Variants in PPP6R2 observed in about 807,000 individuals in gnomAD.
PPP6R2 encodes serine/threonine-protein phosphatase 6 regulatory subunit 2.
A neutral mutation model predicts 100.2 loss-of-function variants in PPP6R2; 62 were observed. The ratio of observed to expected loss-of-function variants is 0.62; its 90% CI spans 0.50 to 0.76. The LOEUF is 0.76. Among genes scored for constraint, PPP6R2 ranks in the 30% least tolerant of loss-of-function variants. PPP6R2 has a pLI of 0.00. For synonymous variants in PPP6R2, 525 were observed against 514.7 expected (o/e 1.02, Z -0.27); for missense variants, 1,142 against 1,276.3 (o/e 0.89, Z 1.60).
Position 50,423,618 on chromosome 22 carries a change from A to G in PPP6R2, c.1125+4A>G, listed in dbSNP as rs755884750. 6.8e-6 allele frequency: 11 copies of G among 1,614,000 alleles called. No homozygotes were observed. The highest frequency in any genetic ancestry group is 1.7e-5 in the Admixed American group (1 of 60,020). On this transcript the variant is annotated splice_donor_region_variant and intron_variant, in intron 10 of 23. Transcript: ENST00000612753. The surrounding 1 kb of genome is among the most constrained non-coding windows in gnomAD (Gnocchi z 4.8). ...CAACACGATGGACTTACTGCTGGTA[A>G]GTGGGCCCCTCAGCCAGCCCTGCAT...
chr22:50,439,577 T>A, intron 19 of PPP6R2, 124 bp from the exon 20 acceptor site: 1 of 1,132,688 alleles, frequency 8.8e-7, no homozygotes, highest in Non-Finnish European at 1.2e-6. Context: ...TGGGCCTCCC[T>A]CCTGGAGCAG....
intron 1 of PPP6R2, among the ~76,000 whole-genome samples, chr22:50,353,112 A>G (rs1183679209): frequency 1.3e-5 from 2 of 152,200 alleles, no homozygotes; most frequent in Non-Finnish European, 2.9e-5. Flanking sequence ...GCTTTGCTTT[A>G]TTATTATTTA....
At chr22:50,371,597 G>A (rs776068597) in intron 1 of PPP6R2, among the ~76,000 whole-genome samples, 1 of 152,054 alleles carries the variant, frequency 6.6e-6, no homozygotes, top group Non-Finnish European at 1.5e-5. Context: ...ATATTTAAGG[G>A]ACAGATAATA....
intron 1 of PPP6R2, among the ~76,000 whole-genome samples, chr22:50,363,814 T>A (rs1399947590): frequency 6.6e-6 from 1 of 152,160 alleles, no homozygotes; most frequent in Non-Finnish European, 1.5e-5. Context: ...TACTAGAAAA[T>A]TTTAAAGTAA....
chr22:50,404,563 G>A (rs1201821603), intron 3 of PPP6R2, among the ~76,000 whole-genome samples: 2 of 149,398 alleles, frequency 1.3e-5, no homozygotes, highest in African/African-American at 2.5e-5. Flanking sequence ...CCACAGGCAT[G>A]TGCCACCTCG....
chr22:50,438,981 GTCAC>G (rs2065006596), intron 19 of PPP6R2, among the ~76,000 whole-genome samples: 1 of 152,184 alleles, frequency 6.6e-6, no homozygotes, highest in South Asian at 2.1e-4. Context: ...TGCAGTTGTG[GTCAC>G]TCAGCCACGT....
At chr22:50,417,468 G>C (rs967494038) in intron 6 of PPP6R2, among the ~76,000 whole-genome samples, 1 of 152,172 alleles carries the variant, frequency 6.6e-6, no homozygotes, top group Admixed American at 6.5e-5. Context: ...GGTGATCCCT[G>C]TTGAGAGTTT....
chr22:50,405,848 G>GGAGGTGAGAGGCCTGGAGA (rs1376802347), intron 3 of PPP6R2, among the ~76,000 whole-genome samples: 922 of 59,708 alleles, frequency 0.015, 87 homozygotes, highest in East Asian at 0.027. Context: ...AGGCCTGGAG[G>GGAGGTGAGAGGCCTGGAGA]GAGGTGAGAG....
upstream of PPP6R2, among the ~76,000 whole-genome samples, chr22:50,340,340 ATGTGGTGTGTG>A (rs2042358417): frequency 3.9e-5 from 3 of 75,950 alleles, no homozygotes; most frequent in South Asian, 1.4e-3. Flanking sequence ...TAGGGTGTGT[ATGTGGTGTGTG>A]TGTGGTATGG....
At chr22:50,437,461 C>T in intron 15 of PPP6R2, 45 bp from the exon 16 acceptor site, 1 of 1,380,198 alleles carries the variant, frequency 7.2e-7, no homozygotes, top group Non-Finnish European at 1.0e-6. Flanking sequence ...ATGCCTCCTC[C>T]ATGACCGGTG....
At chr22:50,436,475 C>T in intron 14 of PPP6R2, 23 bp downstream of exon 14, 1 of 1,564,582 alleles carries the variant, frequency 6.4e-7, no homozygotes, top group South Asian at 1.2e-5. Flanking sequence ...GGGGCTGCCC[C>T]CTCGGTGCAC....
chr22:50,349,595 G>T (rs1446835122), intron 1 of PPP6R2, among the ~76,000 whole-genome samples: 4 of 152,114 alleles, frequency 2.6e-5, no homozygotes, highest in Non-Finnish European at 4.4e-5. Flanking sequence ...GGAGGCTGAG[G>T]CAGGTGGATC....
intron 3 of PPP6R2, among the ~76,000 whole-genome samples, chr22:50,405,904 AGGC>A (rs1603262182): frequency 9.1e-5 from 6 of 65,942 alleles, no homozygotes; most frequent in Admixed American, 1.9e-4. Context: ...GAGGCCTGGC[AGGC>A]GAGTGTGAAG....
At chr22:50,440,349 A>G (rs1333937522) in intron 21 of PPP6R2, among the ~76,000 whole-genome samples, 1 of 152,132 alleles carries the variant, frequency 6.6e-6, no homozygotes, top group African/African-American at 2.4e-5. Flanking sequence ...CAGCATTGAG[A>G]TGTGTGTGGG....
intron 1 of PPP6R2, among the ~76,000 whole-genome samples, chr22:50,371,516 G>A (rs941172756): frequency 3.3e-5 from 5 of 151,736 alleles, no homozygotes; most frequent in Admixed American, 2.0e-4. Flanking sequence ...AAAAAAAAAA[G>A]AAAACTATCT....
Position 50,394,100 on chromosome 22 carries a change from T to C in PPP6R2, c.192T>C (p.Asp64=). The C allele has an allele frequency of 6.2e-7, 1 of 1,614,074 alleles. No homozygotes were observed. Among genetic ancestry groups the C allele is most frequent in the Non-Finnish European group, 8.5e-7 (1 of 1,180,008 alleles). Residue 64 remains aspartate (D), a synonymous_variant, in exon 3 of 24, where the codon GAT becomes GAC. Coordinates refer to ENST00000612753, the MANE Select transcript of PPP6R2 (RefSeq NM_001242898.2). ...AGCTGGTGAGCCTCATCACACAGGA[T>C]CCGCCCCTGGACATGGAGGAGAAGG... ...MEELVSLITQ[D]PPLDMEEKVR...
chr22:50,443,967 C>T lies in PPP6R2; in HGVS notation c.2681C>T (p.Ala894Val), dbSNP rs554131500. 1.2e-6 allele frequency: 2 copies of T among 1,612,094 alleles called. No individual in the cohort carries two copies. Among genetic ancestry groups the T allele is most frequent in the African/African-American group, 2.7e-5 (2 of 75,038 alleles). ...AVAVPPEATV[A>V]ITTALSKAGP... ...GCTGTGCCCCCCGAGGCTACTGTGG[C>T]CATCACCACAGCACTGAGCAAGGCT... The change falls in exon 23 of 24, where the codon GCC (alanine) becomes GTC (valine). Residue 894 changes from alanine (A) to valine (V), a missense_variant. Coordinates refer to ENST00000612753, the MANE Select transcript of PPP6R2 (RefSeq NM_001242898.2).
rs978005273 is a variant in PPP6R2 at position 50,431,998 on chromosome 22, C to T, written c.1336-267C>T. On this transcript the variant is annotated intron_variant, in intron 11 of 23. Transcript: ENST00000612753. This position sits in a 1 kb window ranked among gnomAD's most constrained non-coding sequence, Gnocchi z 4.8. ...CCAGGGGAAGACAGGGGTCAGGGGG[C>T]AATTCCAGGAGTTGGAGGAGAAGGG... Among the ~76,000 whole-genome samples the T allele has an allele frequency of 3.3e-5, 5 of 152,028 alleles. No homozygotes were observed. Among genetic ancestry groups the T allele is most frequent in the Non-Finnish European group, 5.9e-5 (4 of 67,996 alleles).
Position 50,443,949 on chromosome 22 carries a change from C to G in PPP6R2, c.2663C>G (p.Pro888Arg). Reference protein sequence around the residue: ...EVTAAPAVAVPPEATVAITTA... With the variant: ...EVTAAPAVAVRPEATVAITTA... ...ACTGCTGCCCCAGCCGTGGCTGTGC[C>G]CCCCGAGGCTACTGTGGCCATCACC... The change falls in exon 23 of 24, where the codon CCC becomes CGC. Residue 888 changes from proline (P) to arginine (R), a missense_variant. Physicochemically the swap from Pro to Arg is moderately radical, Grantham distance 103 (BLOSUM62 -2). This residue lies in a region of PPP6R2 where 550 missense variants were observed against 517.4 expected (regional missense o/e 1.06). Coordinates refer to ENST00000612753, the MANE Select transcript of PPP6R2 (RefSeq NM_001242898.2). 6.2e-7 allele frequency: 1 copy of G among 1,610,718 alleles called. No homozygotes were observed. Among genetic ancestry groups the G allele is most frequent in the Non-Finnish European group, 8.5e-7 (1 of 1,179,034 alleles).
Sources: gnomAD v4.1 joint callset for allele counts (sites outside exome capture counted in the v4.1 genomes callset) on GRCh38, gnomAD v4.1.1 for gene constraint, gnomAD v4.1.1 regional missense constraint, Gnocchi (gnomAD v3.1) non-coding constraint, MANE v1.5 for transcripts, NCBI Gene and HGNC (gene_info 2026-07-23, HGNC 2026-07-21) for gene names.